Variants in BLNK observed in about 807,000 individuals in gnomAD.
BLNK encodes B-cell linker protein.
Under a neutral mutation model 73.5 loss-of-function variants are expected in BLNK, and 29 were observed. The observed-to-expected ratio is 0.39, with a 90% CI of 0.29 to 0.54. The LOEUF (loss-of-function observed/expected upper bound fraction) is 0.54, where lower values mean the gene tolerates loss of function less well. BLNK is among the 20% of genes least tolerant of loss of function. The pLI, the probability that BLNK is intolerant of heterozygous loss-of-function variation, is 0.61. For missense variants in BLNK, 460 were observed against 562.8 expected, an observed-to-expected ratio of 0.82 and a Z score of 1.85; for synonymous variants, 176 against 200.8, an observed-to-expected ratio of 0.88 and a Z score of 1.04.
At chr10:96,265,884 G>C (rs1843975796) in intron 1 of BLNK, among the ~76,000 whole-genome samples, 1 of 152,074 alleles carries the variant, frequency 6.6e-6, no homozygotes, top group Non-Finnish European at 1.5e-5. Context: ...GCATCCTTGG[G>C]GACTAACTAC....
chr10:96,194,573 G>GA (rs1410697957), intron 16 of BLNK, among the ~76,000 whole-genome samples: 1 of 151,992 alleles, frequency 6.6e-6, no homozygotes, highest in African/African-American at 2.4e-5. Context: ...TATGGAGTGG[G>GA]AAAAATATTT....
rs200821324 is a variant in BLNK at position 96,215,403 on chromosome 10, A to ATG, written c.608-16_608-15dup. 2,104 of 1,559,476 alleles carry ATG rather than the reference A, an allele frequency of 1.3e-3. 1 individual carries two copies. The highest frequency in any genetic ancestry group is 1.5e-3 in the Non-Finnish European group (1,726 of 1,146,388). ...TCACCATGGGAGCTTAAACACAGAA[A>ATG]TGTGTGTGTATATATATATATATAT... On this transcript the variant is annotated splice_polypyrimidine_tract_variant and intron_variant, in intron 7 of 16. Transcript: ENST00000224337.
At chr10:96,238,832 T>G in intron 3 of BLNK, 8 of 275,434 alleles carry the variant, frequency 2.9e-5, no homozygotes, top group Non-Finnish European at 4.1e-5. Flanking sequence ...GGGTCAGGGA[T>G]TGAGGGAATA....
At chr10:96,210,010 C>A in intron 8 of BLNK, 103 bp from the exon 9 acceptor site, 1 of 1,240,042 alleles carries the variant, frequency 8.1e-7, no homozygotes, top group South Asian at 1.2e-5. Flanking sequence ...TTTGCACATA[C>A]TGTGTTGCTT....
In BLNK at chr10:96,265,119, CTTATTTATTTATTTAT is replaced by C. The variant is rs55872216; in HGVS notation, c.47+6217_47+6232del. Among the ~76,000 whole-genome samples, 521 of 137,034 alleles carry C rather than the reference CTTATTTATTTATTTAT, an allele frequency of 3.8e-3. 9 individuals are homozygous for C. Among genetic ancestry groups the C allele is most frequent in the African/African-American group, 0.013 (498 of 36,934 alleles). 89.9% of individuals were successfully genotyped at this position (137,034 alleles called of 152,430 possible). On this transcript the variant is annotated intron_variant, in intron 1 of 16. Transcript: ENST00000224337. The stretch of plus-strand genomic sequence containing the variant: ...TGCAGACGCATGCCACCACACCAGA[CTTATTTATTTATTTAT>C]TTATTTATTTATTTATTTATTTATT...
rs1554896813 is a variant in BLNK at position 96,203,992 on chromosome 10, C to T, written c.934+65G>A. On this transcript the variant is annotated intron_variant, in intron 13 of 16. Coordinates refer to ENST00000224337, the MANE Select transcript of BLNK (RefSeq NM_013314.4). The stretch of plus-strand genomic sequence containing the variant: ...GACAGTGCTGTGTTAGAACCCAGGC[C>T]TATCAGACTCTAGGATCCAGCCTCG... 9.3e-6 allele frequency: 13 copies of T among 1,398,192 alleles called. 1 individual carries two copies. The highest frequency in any genetic ancestry group is 5.0e-5 in the Admixed American group (3 of 59,662). 86.6% of individuals were successfully genotyped at this position (1,398,192 alleles called of 1,614,324 possible).
chr10:96,204,412 A>G, intron 12 of BLNK, 120 bp downstream of exon 12: 3 of 1,177,356 alleles, frequency 2.5e-6, no homozygotes, highest in Non-Finnish European at 3.8e-6. Context: ...ACTGCAAAAC[A>G]ATGAAATGTT....
At chr10:96,239,950 A>G (rs781818293) in intron 3 of BLNK, among the ~76,000 whole-genome samples, 1 of 152,146 alleles carries the variant, frequency 6.6e-6, no homozygotes, top group Non-Finnish European at 1.5e-5. Flanking sequence ...ATCTGTGTCC[A>G]GCATCTCTGA....
At chr10:96,215,256 T>C in intron 8 of BLNK, 65 bp downstream of exon 8, 1 of 1,481,504 alleles carries the variant, frequency 6.7e-7, no homozygotes, top group Non-Finnish European at 9.4e-7. Context: ...TTACTCTTCA[T>C]AGTTGATCTG....
At chr10:96,238,971 TA>T (rs1842793728) in intron 3 of BLNK, 1 of 395,742 alleles carries the variant, frequency 2.5e-6, no homozygotes, top group African/African-American at 2.1e-5. Context: ...TCTGATCCAG[TA>T]GTTCTAGGGT....
At chr10:96,247,641 C>T (rs1843104522) in intron 1 of BLNK, among the ~76,000 whole-genome samples, 1 of 152,160 alleles carries the variant, frequency 6.6e-6, no homozygotes, top group Non-Finnish European at 1.5e-5. Flanking sequence ...CCTCTCCATG[C>T]ACAAGTAACA....
At chr10:96,251,875 G>A (rs1843299343) in intron 1 of BLNK, among the ~76,000 whole-genome samples, 1 of 152,076 alleles carries the variant, frequency 6.6e-6, no homozygotes, top group Non-Finnish European at 1.5e-5. Context: ...AGCACTGAGA[G>A]TAGAAAAGTC....
chr10:96,197,779 A>G (rs10786270), intron 15 of BLNK, among the ~76,000 whole-genome samples: 128,647 of 151,794 alleles, frequency 0.85, 55,397 homozygotes, highest in Middle Eastern at 0.93. Flanking sequence ...AGCCGGGCAT[A>G]GTGGCGGGCA....
At chr10:96,203,833 G>T in intron 13 of BLNK, 1 of 380,338 alleles carries the variant, frequency 2.6e-6, no homozygotes, top group Non-Finnish European at 4.7e-6. Context: ...ATATTAAATC[G>T]CTACTAAAAA....
intron 1 of BLNK, among the ~76,000 whole-genome samples, chr10:96,260,151 A>G (rs962093093): frequency 7.2e-5 from 11 of 152,146 alleles, no homozygotes; most frequent in Non-Finnish European, 1.5e-4. Flanking sequence ...CTTCCTCACA[A>G]AACTACATAA....
intron 3 of BLNK, among the ~76,000 whole-genome samples, chr10:96,231,548 A>G (rs1018020838): frequency 6.6e-6 from 1 of 151,956 alleles, no homozygotes; most frequent in African/African-American, 2.4e-5. Context: ...ACAACATGGC[A>G]AGGCCCCATC....
At chr10:96,199,047 G>A (rs949599238) in intron 15 of BLNK, among the ~76,000 whole-genome samples, 6 of 152,166 alleles carry the variant, frequency 3.9e-5, no homozygotes, top group Non-Finnish European at 7.3e-5. Context: ...ATGTAAACAC[G>A]ATTTTTCCTC....
chr10:96,220,690 T>C (rs782686165), intron 6 of BLNK, among the ~76,000 whole-genome samples: 2 of 152,218 alleles, frequency 1.3e-5, no homozygotes, highest in African/African-American at 2.4e-5. Flanking sequence ...GAATCAGTGA[T>C]TGGTCTTTTG....
At chr10:96,206,089 A>T (rs1271402788) in intron 11 of BLNK, among the ~76,000 whole-genome samples, 1 of 152,206 alleles carries the variant, frequency 6.6e-6, no homozygotes, top group Non-Finnish European at 1.5e-5. Flanking sequence ...GGGAGACAGG[A>T]TGAAAAAACC....
Sources: gnomAD v4.1 joint callset for allele counts (sites outside exome capture counted in the v4.1 genomes callset) on GRCh38, gnomAD v4.1.1 for gene constraint, MANE v1.5 for transcripts, NCBI Gene and HGNC (gene_info 2026-07-23, HGNC 2026-07-21) for gene names.